Variants in FKBP5 observed in about 807,000 individuals in gnomAD.
The protein encoded by FKBP5 is peptidyl-prolyl cis-trans isomerase FKBP5.
In FKBP5, 23 loss-of-function variants were observed where a neutral mutation model predicts 50.5. The ratio of observed to expected loss-of-function variants is 0.46; its 90% CI spans 0.33 to 0.65. The LOEUF (loss-of-function observed/expected upper bound fraction) is 0.65. Ranked by LOEUF, FKBP5 falls within the 30% of genes least tolerant of loss-of-function variation. The pLI is 0.02. For missense variants in FKBP5, 411 were observed against 553.1 expected (o/e 0.74, Z 2.58); for synonymous variants, 176 against 190.6 (o/e 0.92, Z 0.63).
chr6:35,649,123 C>T (rs923634440), intron 1 of FKBP5, among the ~76,000 whole-genome samples: 6 of 151,482 alleles, frequency 4.0e-5, no homozygotes, highest in Admixed American at 6.6e-5. Flanking sequence ...TGGTGGCGAG[C>T]GCCTGTAGTT....
intron 1 of FKBP5, among the ~76,000 whole-genome samples, chr6:35,669,937 G>C (rs897284296): frequency 1.3e-5 from 2 of 152,086 alleles, no homozygotes; most frequent in African/African-American, 4.8e-5. Flanking sequence ...AAACTATCTT[G>C]CCTCAGATTA....
chr6:35,670,205 G>A, intron 1 of FKBP5, among the ~76,000 whole-genome samples: 1 of 152,100 alleles, frequency 6.6e-6, no homozygotes, highest in African/African-American at 2.4e-5. Flanking sequence ...TATCTTTGCT[G>A]TTTTAGAGTT....
chr6:35,607,745 G>C (rs868535923), intron 5 of FKBP5: 6 of 196,898 alleles, frequency 3.0e-5, no homozygotes, highest in Non-Finnish European at 6.9e-5. Context: ...TACCAAGTTC[G>C]TGCCGGACAT....
intron 9 of FKBP5, among the ~76,000 whole-genome samples, chr6:35,578,055 CAAAAAAAA>C (rs143946034): frequency 1.9e-5 from 2 of 104,316 alleles, no homozygotes; most frequent in Non-Finnish European, 3.9e-5. Flanking sequence ...CTCTTGTCTC[CAAAAAAAA>C]AAAAAAAAAA....
At chr6:35,683,973 C>T (rs541440086) in intron 1 of FKBP5, among the ~76,000 whole-genome samples, 1 of 152,114 alleles carries the variant, frequency 6.6e-6, no homozygotes, top group South Asian at 2.1e-4. Flanking sequence ...CAGGAAGAAT[C>T]GCTTGAACCA....
chr6:35,707,771 C>T (rs1020003624), intron 2 of FKBP5, among the ~76,000 whole-genome samples: 1 of 152,080 alleles, frequency 6.6e-6, no homozygotes, highest in African/African-American at 2.4e-5. Context: ...GTGTTCTCAT[C>T]ATTTAGCTCC....
Position 35,642,762 on chromosome 6 carries a change from C to T in FKBP5, c.63G>A (p.Gln21=). ...CTTTTTTGGAGGTAATATCCTCTCC[C>T]TGCTCAGCAACAGTGGCTGTGGGGC... ...EESPTATVAE[Q]GEDITSKKDR... is the part of the protein sequence containing the mutation. The change falls in exon 2 of 11, where the codon CAG becomes CAA. Residue 21 remains glutamine (Q), a synonymous_variant. Coordinates refer to ENST00000357266, the MANE Select transcript of FKBP5 (RefSeq NM_004117.4). The T allele has an allele frequency of 1.9e-6, 3 of 1,614,106 alleles. No individual in the cohort carries two copies. Among genetic ancestry groups the T allele is most frequent in the Non-Finnish European group, 8.5e-7 (1 of 1,180,008 alleles).
chr6:35,714,271 G>A (rs1267080787), intron 2 of FKBP5, among the ~76,000 whole-genome samples: 5 of 139,716 alleles, frequency 3.6e-5, no homozygotes, highest in Admixed American at 7.2e-5. Flanking sequence ...GGCCAACATG[G>A]TGAAACCCCG....
intron 2 of FKBP5, among the ~76,000 whole-genome samples, chr6:35,638,600 T>C (rs559503771): frequency 5.9e-5 from 9 of 151,944 alleles, no homozygotes; most frequent in Non-Finnish European, 1.2e-4. Context: ...TTATTTTTAG[T>C]AGAGATGAGA....
chr6:35,573,938 T>G lies in FKBP5; in HGVS notation c.*1897A>C, dbSNP rs1762137125. 6.6e-6 allele frequency: 1 copy of G among 152,228 alleles called. No homozygotes were observed. Among genetic ancestry groups the G allele is most frequent in the African/African-American group, 2.4e-5 (1 of 41,470 alleles). The allele number at this position is 152,228 out of a possible 1,614,324, so 9.4% of individuals were successfully genotyped here. ...AGCTGGCATCATCTGAGTCTTGGAA[T>G]AGCTTTCTTGTTTGTTATCTGCAAA... On this transcript the variant is annotated 3_prime_UTR_variant, in exon 11 of 11. Coordinates refer to ENST00000357266, the MANE Select transcript of FKBP5 (RefSeq NM_004117.4).
rs192411101 is a variant in FKBP5, at chr6:35,667,514, A to T, written c.-20+21290T>A. ...TTAACCCGTTTCCTCCATAATTAAT[A>T]TTTAAAGTTATTAGAAGCATAATCT... On this transcript the variant is annotated intron_variant, in intron 1 of 10. Transcript: ENST00000357266. Among the ~76,000 whole-genome samples, 421 of 152,380 alleles carry T rather than the reference A, an allele frequency of 2.8e-3. 3 individuals carry two copies. Among genetic ancestry groups the T allele is most frequent in the African/African-American group, 7.2e-3 (301 of 41,596 alleles).
chr6:35,703,934 A>G (rs184760557), intron 2 of FKBP5, among the ~76,000 whole-genome samples: 1,557 of 152,314 alleles, frequency 0.01, 60 homozygotes, highest in Admixed American at 0.072. Flanking sequence ...GTGTTCAGCA[A>G]TGGTGGTAGC....
In FKBP5 at chr6:35,642,862, T is replaced by C. The variant is rs536354951; in HGVS notation, c.-19-19A>G. On this transcript the variant is annotated intron_variant, in intron 1 of 10. Transcript: ENST00000357266. ...AGAGAACCTGGTAAGAAGAAAAATATTTTAGCTGGGAAAAATATCACTTCT... is the reference window on the plus strand; with the variant it reads ...AGAGAACCTGGTAAGAAGAAAAATACTTTAGCTGGGAAAAATATCACTTCT... The C allele has an allele frequency of 6.3e-5, 98 of 1,550,910 alleles. 1 individual carries two copies. In the South Asian group the frequency reaches 8.1e-4, roughly 13 times the overall value.
chr6:35,590,836 A>C (rs187508387), intron 7 of FKBP5, among the ~76,000 whole-genome samples: 1 of 152,082 alleles, frequency 6.6e-6, no homozygotes, highest in African/African-American at 2.4e-5. Flanking sequence ...TACAAAAAGA[A>C]CAAGTCTAGG....
chr6:35,726,280 G>A (rs567461460), intron 1 of FKBP5, among the ~76,000 whole-genome samples: 5 of 152,238 alleles, frequency 3.3e-5, no homozygotes, highest in East Asian at 3.9e-4. Flanking sequence ...GGTGTAGTAC[G>A]TAGGAGTGGC....
intron 8 of FKBP5, chr6:35,584,083 C>T (rs1448570156): frequency 2.0e-6 from 2 of 985,250 alleles, no homozygotes; most frequent in African/African-American, 3.5e-5. Flanking sequence ...AAACACTGAC[C>T]AGGTGTGAGT....
At chr6:35,718,118 T>G (rs1327143026) in intron 2 of FKBP5, among the ~76,000 whole-genome samples, 1 of 152,038 alleles carries the variant, frequency 6.6e-6, no homozygotes, top group Admixed American at 6.6e-5. Context: ...GTCCAAGGAC[T>G]GGGGGGCCTC....
chr6:35,688,849 C>T lies in FKBP5; in HGVS notation c.-65G>A, dbSNP rs1581887281. The T allele has an allele frequency of 6.6e-6, 1 of 151,004 alleles. No homozygotes were observed. Among genetic ancestry groups the T allele is most frequent in the Non-Finnish European group, 1.5e-5 (1 of 67,672 alleles). 9.4% of individuals were successfully genotyped at this position (151,004 alleles called of 1,614,324 possible). A position where few individuals can be genotyped will look rare whatever the true frequency, so the allele number is the denominator to read the frequency against. On this transcript the variant is annotated 5_prime_UTR_variant, in exon 1 of 11. Transcript: ENST00000357266. ...CGACTCCGTCACTCTCCGCCTTGCCCGTGCTCCGCTAACCCTTCAGCCCGC... is the reference window on the plus strand; with the variant it reads ...CGACTCCGTCACTCTCCGCCTTGCCTGTGCTCCGCTAACCCTTCAGCCCGC...
Position 35,716,467 on chromosome 6 carries a change from A to T in FKBP5, c.-20+3861T>A, listed in dbSNP as rs561759223. Reference sequence around the variant, plus strand: ...GGCAGAGGTGATGGCCTCAGTGTGCAGCACGGTGTTTGAGATTCATTCTCG... The same window carrying T: ...GGCAGAGGTGATGGCCTCAGTGTGCTGCACGGTGTTTGAGATTCATTCTCG... On this transcript the variant is annotated intron_variant, in intron 2 of 11. Transcript: ENST00000536438. Among the ~76,000 whole-genome samples, 6 of 152,246 alleles carry T rather than the reference A, an allele frequency of 3.9e-5. No homozygotes were observed. The East Asian group carries it at 1.2e-3, about 29-fold the overall frequency.
Sources: gnomAD v4.1 joint callset for allele counts (sites outside exome capture counted in the v4.1 genomes callset) on GRCh38, gnomAD v4.1.1 for gene constraint, MANE v1.5 for transcripts, NCBI Gene and HGNC (gene_info 2026-07-23, HGNC 2026-07-21) for gene names.